ACOXL: variants seen among roughly 807,000 people sequenced by gnomAD.
The protein encoded by ACOXL is acyl-CoA oxidase like.
Under a neutral mutation model 71.9 loss-of-function variants are expected in ACOXL, and 70 were observed. That is an observed-to-expected ratio of 0.97 (90% CI 0.80 to 1.19). The LOEUF (loss-of-function observed/expected upper bound fraction) is 1.19, where lower values mean the gene tolerates loss of function less well. Ranked by LOEUF, ACOXL falls within the 50% of genes most tolerant of loss-of-function variation. ACOXL has a pLI of 0.00. For synonymous variants in ACOXL, 253 were observed against 281.6 expected, an observed-to-expected ratio of 0.90 and a Z score of 1.02; for missense variants, 703 against 736.3, an observed-to-expected ratio of 0.95 and a Z score of 0.52.
At chr2:110,749,498 G>C (rs572819393) in intron 1 of ACOXL, among the ~76,000 whole-genome samples, 1 of 152,144 alleles carries the variant, frequency 6.6e-6, no homozygotes, top group Non-Finnish European at 1.5e-5. Flanking sequence ...GGCTGAGGCC[G>C]GTGGATCACT....
At chr2:110,786,077 G>A (rs1247030106) in intron 3 of ACOXL, among the ~76,000 whole-genome samples, 3 of 152,190 alleles carry the variant, frequency 2.0e-5, no homozygotes, top group African/African-American at 7.2e-5. Context: ...GCAGCCACTC[G>A]TGCTGCCCAA....
At chr2:110,761,825 C>T (rs146764210) in intron 1 of ACOXL, among the ~76,000 whole-genome samples, 109 of 152,314 alleles carry the variant, frequency 7.2e-4, no homozygotes, top group Non-Finnish European at 1.4e-3. Context: ...AACTTTTTCC[C>T]GTTTTTAGGT....
rs144973591 is a variant in ACOXL, at chr2:111,031,692, G to A, written c.1347G>A (p.Leu449=). 8.5e-5 allele frequency: 138 copies of A among 1,614,116 alleles called. No homozygotes were observed. The African/African-American group carries it at 1.6e-3, about 18-fold the overall frequency. Residue 449 remains leucine (L), a synonymous_variant, in exon 15 of 18, where the codon CTG becomes CTA. Coordinates refer to ENST00000439055, the MANE Select transcript of ACOXL (RefSeq NM_001142807.4). ...WNSCLHHVAS[L]SLAHTHRVTL... ...CGTGTCTGCACCACGTGGCTTCTCTGTCCCTGGCACACACTCACCGAGGTC... is the reference window on the plus strand; with the variant it reads ...CGTGTCTGCACCACGTGGCTTCTCTATCCCTGGCACACACTCACCGAGGTC...
intron 16 of ACOXL, among the ~76,000 whole-genome samples, chr2:111,087,967 T>C (rs2068304099): frequency 6.6e-6 from 1 of 152,116 alleles, no homozygotes; most frequent in Non-Finnish European, 1.5e-5. Flanking sequence ...AACAACCCCA[T>C]TGAAGAGTAG....
At chr2:110,767,915 C>T (rs1681302449) in intron 1 of ACOXL, among the ~76,000 whole-genome samples, 1 of 146,754 alleles carries the variant, frequency 6.8e-6, no homozygotes, top group Non-Finnish European at 1.5e-5. Context: ...GAAACCCTGT[C>T]TCTACTAAAC....
intron 10 of ACOXL, among the ~76,000 whole-genome samples, chr2:110,855,395 G>A (rs1375094106): frequency 2.0e-5 from 3 of 152,180 alleles, no homozygotes; most frequent in Non-Finnish European, 1.5e-5. Flanking sequence ...AGGCCACATA[G>A]CCATTCAATA....
At position 110,794,194 on chromosome 2, in the gene ACOXL, C is replaced by T. The variant is rs777839471; in HGVS notation, c.345+20C>T. ...GCCCAGGTGAGGAATCCATCCTTCTCCTGCCGTGCAGGGGAGCTGGAAACC... is the reference window on the plus strand; with the variant it reads ...GCCCAGGTGAGGAATCCATCCTTCTTCTGCCGTGCAGGGGAGCTGGAAACC... On this transcript the variant is annotated intron_variant, in intron 5 of 17. Coordinates refer to ENST00000439055, the MANE Select transcript of ACOXL (RefSeq NM_001142807.4). 4 of 1,611,806 alleles carry T rather than the reference C, an allele frequency of 2.5e-6. No individual in the cohort carries two copies. Among genetic ancestry groups the T allele is most frequent in the African/African-American group, 2.7e-5 (2 of 74,896 alleles).
At chr2:111,011,210 TGAA>T (rs1160490520) in intron 14 of ACOXL, among the ~76,000 whole-genome samples, 1 of 152,170 alleles carries the variant, frequency 6.6e-6, no homozygotes, top group Non-Finnish European at 1.5e-5. Flanking sequence ...ACATAATATA[TGAA>T]GTAGTATCAT....
At chr2:111,023,490 C>G (rs753299414) in intron 14 of ACOXL, among the ~76,000 whole-genome samples, 2 of 152,018 alleles carry the variant, frequency 1.3e-5, no homozygotes, top group African/African-American at 4.8e-5. Context: ...ATCTGTAGCC[C>G]GTGGAAGTGG....
chr2:110,756,608 A>G (rs188600661), intron 1 of ACOXL, among the ~76,000 whole-genome samples: 23 of 152,258 alleles, frequency 1.5e-4, no homozygotes, highest in Admixed American at 5.9e-4. Context: ...TTGTTGATCT[A>G]TTTGGAATTT....
At position 110,826,104 on chromosome 2, in the gene ACOXL, A is replaced by G. The variant is rs148313718; in HGVS notation, c.754-15267A>G. ...TTGCCTGTTTCCAAATTAATTTTCT[A>G]TCAGCAAATAATAAAAGGCCACTTT... On this transcript the variant is annotated intron_variant, in intron 9 of 17. Coordinates refer to ENST00000439055, the MANE Select transcript of ACOXL (RefSeq NM_001142807.4). Among the ~76,000 whole-genome samples, 13 of 152,302 alleles carry G rather than the reference A, an allele frequency of 8.5e-5. No homozygotes were observed. In the East Asian group the frequency reaches 2.5e-3, roughly 29 times the overall value.
At chr2:110,996,083 TTAG>T in intron 14 of ACOXL, 79 bp downstream of exon 14, 1 of 1,229,052 alleles carries the variant, frequency 8.1e-7, no homozygotes, top group Non-Finnish European at 1.2e-6. Flanking sequence ...TCTGTTAAGT[TTAG>T]TAGAGGATGA....
intron 9 of ACOXL, among the ~76,000 whole-genome samples, chr2:110,838,507 C>T (rs762953784): frequency 2.0e-5 from 3 of 152,182 alleles, no homozygotes; most frequent in Non-Finnish European, 4.4e-5. Context: ...TCTCATCTCT[C>T]AGCAGATCAC....
intron 12 of ACOXL, among the ~76,000 whole-genome samples, chr2:110,981,087 G>T (rs2062688292): frequency 6.6e-6 from 1 of 152,210 alleles, no homozygotes; most frequent in East Asian, 1.9e-4. Context: ...TCTGGGCTGG[G>T]TGTAGTGGCT....
chr2:111,107,522 C>T lies in ACOXL; in HGVS notation c.1543-10094C>T, dbSNP rs558240452. Among the ~76,000 whole-genome samples the T allele has an allele frequency of 2.0e-5, 3 of 152,130 alleles. No individual in the cohort carries two copies. The East Asian group carries it at 5.8e-4, about 29-fold the overall frequency. On this transcript the variant is annotated intron_variant, in intron 17 of 17. Coordinates refer to ENST00000439055, the MANE Select transcript of ACOXL (RefSeq NM_001142807.4). ...TGTTTTTTGAGATGGAGTTTTTGCT[C>T]TTGTTGCCCAGGCTGGAGTGCAATG...
intron 3 of ACOXL, among the ~76,000 whole-genome samples, chr2:110,789,476 G>C (rs995664190): frequency 7.9e-5 from 12 of 152,304 alleles, no homozygotes; most frequent in African/African-American, 2.9e-4. Flanking sequence ...AGGCTGTAAA[G>C]TCTAAGATCA....
Position 110,954,806 on chromosome 2 carries a change from A to G in ACOXL, c.1059+21164A>G, listed in dbSNP as rs139483452. Among the ~76,000 whole-genome samples, 492 of 51,062 alleles carry G rather than the reference A, an allele frequency of 9.6e-3. 3 individuals carry two copies. Among genetic ancestry groups the G allele is most frequent in the African/African-American group, 0.023 (470 of 20,458 alleles). 33.5% of individuals were successfully genotyped at this position (51,062 alleles called of 152,430 possible). A position where few individuals can be genotyped will look rare whatever the true frequency, so the allele number is the denominator to read the frequency against. On this transcript the variant is annotated intron_variant, in intron 12 of 17. Transcript: ENST00000439055. ...CCTGGTTTCTGGGGTACTTTCTTCT[A>G]AACACCATTTAGTGTGGTCTGTAGT...
At chr2:110,875,177 A>T (rs1357779410) in intron 10 of ACOXL, among the ~76,000 whole-genome samples, 1 of 152,170 alleles carries the variant, frequency 6.6e-6, no homozygotes, top group Non-Finnish European at 1.5e-5. Flanking sequence ...CAGGATGTAC[A>T]CTTTGTTTCA....
intron 13 of ACOXL, among the ~76,000 whole-genome samples, chr2:110,992,344 A>T (rs3789095): frequency 2.0e-5 from 3 of 152,124 alleles, no homozygotes; most frequent in Admixed American, 6.5e-5. Flanking sequence ...TTGTCATCAA[A>T]GTGTTTTCAG....
Sources: gnomAD v4.1 joint callset for allele counts (sites outside exome capture counted in the v4.1 genomes callset) on GRCh38, gnomAD v4.1.1 for gene constraint, MANE v1.5 for transcripts, NCBI Gene and HGNC (gene_info 2026-07-23, HGNC 2026-07-21) for gene names.